The following RNFT2 variants were observed in gnomAD, a reference collection of about 807,000 sequenced individuals.
The protein encoded by RNFT2 is E3 ubiquitin-protein ligase RNFT2.
Under a neutral mutation model 53.0 loss-of-function variants are expected in RNFT2, and 36 were observed. That is an observed-to-expected ratio of 0.68 (90% CI 0.52 to 0.90). The LOEUF (loss-of-function observed/expected upper bound fraction) is 0.90. Among genes scored for constraint, RNFT2 ranks in the 40% least tolerant of loss-of-function variants. The pLI is 0.00. For synonymous variants in RNFT2, 260 were observed against 253.2 expected (o/e 1.03, Z -0.26); for missense variants, 514 against 585.6 (o/e 0.88, Z 1.26).
intron 7 of RNFT2, among the ~76,000 whole-genome samples, chr12:116,821,802 C>CTTTTTTTTTTTTTTTTTTTTTTT (rs149043452): frequency 2.3e-5 from 1 of 43,926 alleles, no homozygotes; most frequent in African/African-American, 1.0e-4. Context: ...CTACTTGTTT[C>CTTTTTTTTTTTTTTTTTTTTTTT]TTTTTTTTTT....
chr12:116,749,035 G>A (rs969791463), intron 3 of RNFT2, among the ~76,000 whole-genome samples: 8 of 152,130 alleles, frequency 5.3e-5, no homozygotes, highest in African/African-American at 1.7e-4. Flanking sequence ...TAAAGGTTAC[G>A]ACCTATTGTT....
intron 6 of RNFT2, among the ~76,000 whole-genome samples, chr12:116,775,018 T>C (rs906057260): frequency 6.6e-6 from 1 of 151,202 alleles, no homozygotes; most frequent in Admixed American, 6.6e-5. Flanking sequence ...TCCAAGCACT[T>C]TGGGAGGCTG....
chr12:116,754,210 C>G, intron 5 of RNFT2, 150 bp downstream of exon 5: 1 of 651,768 alleles, frequency 1.5e-6, no homozygotes, highest in South Asian at 1.8e-5. Flanking sequence ...TCAGTGAGAA[C>G]GTACAATGTT....
intron 3 of RNFT2, 150 bp downstream of exon 3, chr12:116,741,244 CT>C: frequency 1.5e-6 from 1 of 655,416 alleles, no homozygotes; most frequent in Non-Finnish European, 2.7e-6. Flanking sequence ...CGCATAATAG[CT>C]TGCTCTTTCT....
chr12:116,743,245 C>CAAAAAAAAAAAAAA (rs1491208112), intron 3 of RNFT2, among the ~76,000 whole-genome samples: 1 of 27,190 alleles, frequency 3.7e-5, no homozygotes, highest in Non-Finnish European at 6.6e-5. Context: ...AAAAAAAAAA[C>CAAAAAAAAAAAAAA]CGGTTAAAAA....
chr12:116,840,320 A>G (rs2137212843), intron 10 of RNFT2, among the ~76,000 whole-genome samples: 1 of 152,328 alleles, frequency 6.6e-6, no homozygotes, highest in East Asian at 1.9e-4. Context: ...ACAAAGAATC[A>G]GGCTCAGAAA....
At chr12:116,785,191 A>G (rs2137124577) in intron 7 of RNFT2, among the ~76,000 whole-genome samples, 1 of 150,874 alleles carries the variant, frequency 6.6e-6, no homozygotes, top group South Asian at 2.1e-4. Flanking sequence ...TCAGTTCAGA[A>G]GTCTCTTCTA....
chr12:116,758,636 A>T (rs562002061), intron 5 of RNFT2, among the ~76,000 whole-genome samples: 1 of 152,330 alleles, frequency 6.6e-6, no homozygotes, highest in Admixed American at 6.5e-5. Flanking sequence ...TTCACTGGAT[A>T]CAAAATTCTT....
intron 7 of RNFT2, among the ~76,000 whole-genome samples, chr12:116,800,460 TTTCTC>T (rs767770129): frequency 6.8e-6 from 1 of 146,228 alleles, no homozygotes; most frequent in Non-Finnish European, 1.5e-5. Context: ...TGGTGAAACT[TTTCTC>T]TACTATAAAT....
chr12:116,779,884 C>G (rs1426238250), intron 7 of RNFT2, among the ~76,000 whole-genome samples: 1 of 152,100 alleles, frequency 6.6e-6, no homozygotes, highest in East Asian at 1.9e-4. Context: ...AATGAAGAGG[C>G]CTTGGGGAAT....
intron 7 of RNFT2, among the ~76,000 whole-genome samples, chr12:116,807,159 G>T (rs899797808): frequency 2.0e-5 from 3 of 152,076 alleles, no homozygotes; most frequent in Admixed American, 1.3e-4. Context: ...ATATCGGGAG[G>T]CACTAGCAAT....
chr12:116,841,894 AAT>A (rs1218501770), intron 10 of RNFT2, among the ~76,000 whole-genome samples: 266 of 21,196 alleles, frequency 0.013, 10 homozygotes, highest in Non-Finnish European at 0.024. Context: ...TATATATAAA[AAT>A]ATATATATAT....
chr12:116,780,268 C>T (rs1239020914), intron 7 of RNFT2, among the ~76,000 whole-genome samples: 1 of 152,160 alleles, frequency 6.6e-6, no homozygotes, highest in African/African-American at 2.4e-5. Context: ...CACCAGGAAC[C>T]GGTTTCATGG....
intron 3 of RNFT2, among the ~76,000 whole-genome samples, chr12:116,747,978 G>C (rs559702004): frequency 6.6e-6 from 1 of 152,190 alleles, no homozygotes; most frequent in Non-Finnish European, 1.5e-5. Context: ...ATCACATGAG[G>C]TCAGGAGTTC....
chr12:116,768,114 T>C (rs1353719217), intron 6 of RNFT2, among the ~76,000 whole-genome samples: 1 of 151,576 alleles, frequency 6.6e-6, no homozygotes, highest in East Asian at 1.9e-4. Flanking sequence ...TTTTTTTTTT[T>C]TGGAGATGGA....
At chr12:116,817,774 C>T (rs1459073674) in intron 7 of RNFT2, among the ~76,000 whole-genome samples, 1 of 152,216 alleles carries the variant, frequency 6.6e-6, no homozygotes, top group Non-Finnish European at 1.5e-5. Flanking sequence ...GAGTTTTGAG[C>T]AGCACTGCTC....
chr12:116,750,322 C>A lies in RNFT2; in HGVS notation c.550+15C>A. ...GCATAAGCTCGGTGAGTTCTGGGGG[C>A]ATGGGTGTCCTAGCCATGGGCTTCA... On this transcript the variant is annotated intron_variant, in intron 4 of 10. Transcript: ENST00000257575. The A allele has an allele frequency of 6.3e-7, 1 of 1,583,986 alleles. No individual in the cohort carries two copies. Among genetic ancestry groups the A allele is most frequent in the Non-Finnish European group, 8.5e-7 (1 of 1,172,208 alleles).
At chr12:116,798,446 T>C (rs571090864) in intron 7 of RNFT2, among the ~76,000 whole-genome samples, 2 of 152,308 alleles carry the variant, frequency 1.3e-5, no homozygotes, top group South Asian at 4.1e-4. Context: ...TCAAATCCTG[T>C]TTGAGAAACC....
chr12:116,754,796 G>T (rs1318232465), intron 5 of RNFT2, among the ~76,000 whole-genome samples: 1 of 152,108 alleles, frequency 6.6e-6, no homozygotes, highest in Admixed American at 6.5e-5. Flanking sequence ...TTTGAAAATT[G>T]TCTATTCATG....
Sources: gnomAD v4.1 joint callset for allele counts (sites outside exome capture counted in the v4.1 genomes callset) on GRCh38, gnomAD v4.1.1 for gene constraint, MANE v1.5 for transcripts, NCBI Gene and HGNC (gene_info 2026-07-23, HGNC 2026-07-21) for gene names.